The following CTNNA2 variants were observed in gnomAD, a reference collection of about 807,000 sequenced individuals.
CTNNA2 encodes the protein catenin alpha 2.
A neutral mutation model predicts 101.0 loss-of-function variants in CTNNA2; 42 were observed. The observed-to-expected ratio is 0.42, with a 90% CI of 0.32 to 0.54. CTNNA2 has a LOEUF of 0.54. Among genes scored for constraint, CTNNA2 ranks in the 20% least tolerant of loss-of-function variants. The probability of loss-of-function intolerance (pLI) is 0.14; values close to 1 mark genes in which losing one functional copy is unlikely to be tolerated. For synonymous variants in CTNNA2, 450 were observed against 456.4 expected, an observed-to-expected ratio of 0.99 and a Z score of 0.18; for missense variants, 871 against 1,223.1, an observed-to-expected ratio of 0.71 and a Z score of 4.29.
intron 11 of CTNNA2, 107 bp downstream of exon 11, chr2:80,546,170 T>C (rs967785091): frequency 7.3e-7 from 1 of 1,365,018 alleles, no homozygotes; most frequent in African/African-American, 1.5e-5. Context: ...GCGCACTCCT[T>C]AGATCTTTGA....
At chr2:79,860,545 A>ATTTTTTTT in intron 4 of CTNNA2, among the ~76,000 whole-genome samples, 1 of 19,186 alleles carries the variant, frequency 5.2e-5, no homozygotes, top group African/African-American at 2.2e-4. Context: ...GAGTAAGGGA[A>ATTTTTTTT]GTTTTTTTTT....
rs533383601 is a variant in CTNNA2, at chr2:79,259,020, G to A, written c.-405-53689G>A. Among the ~76,000 whole-genome samples, 36 of 152,116 alleles carry A rather than the reference G, an allele frequency of 2.4e-4. No individual in the cohort carries two copies. The South Asian group carries it at 7.5e-3, about 32-fold the overall frequency. ...AAACGCATGACCCTAAGAGCTTATT[G>A]GCCGATTAAGAGTTTCCCAGACAAC... On this transcript the variant is annotated intron_variant, in intron 2 of 21. Coordinates refer to the CTNNA2 transcript ENST00000466387.
At position 80,515,020 on chromosome 2, in the gene CTNNA2, G is replaced by C. The variant is rs7595163; in HGVS notation, c.1291-29962G>C. On this transcript the variant is annotated intron_variant, in intron 9 of 18. Coordinates refer to ENST00000402739, the MANE Select transcript of CTNNA2 (RefSeq NM_001282597.3). ...TCTCTGCCTTCTTCCTCTATGAAGA[G>C]GAGTGTGTCAAGTCCTTTGATTTCT... Among the ~76,000 whole-genome samples, 4 of 152,234 alleles carry C rather than the reference G, an allele frequency of 2.6e-5. No individual in the cohort carries two copies. The South Asian group carries it at 8.3e-4, about 32-fold the overall frequency.
chr2:80,100,774 C>CA (rs772332704), intron 7 of CTNNA2, among the ~76,000 whole-genome samples: 20 of 152,212 alleles, frequency 1.3e-4, no homozygotes, highest in Non-Finnish European at 1.8e-4. Flanking sequence ...AGTGGTTAAT[C>CA]AAAGTTCAGC....
At chr2:79,491,380 T>A (rs1671206105) in intron 4 of CTNNA2, among the ~76,000 whole-genome samples, 1 of 152,146 alleles carries the variant, frequency 6.6e-6, no homozygotes, top group African/African-American at 2.4e-5. Context: ...ATTTGAAGAG[T>A]ATATACCATC....
At chr2:80,379,945 A>G (rs1436378409) in intron 7 of CTNNA2, among the ~76,000 whole-genome samples, 1 of 151,542 alleles carries the variant, frequency 6.6e-6, no homozygotes, top group Non-Finnish European at 1.5e-5. Flanking sequence ...CTATTTAACC[A>G]GCAGCAGCAC....
intron 3 of CTNNA2, among the ~76,000 whole-genome samples, chr2:79,313,539 T>G (rs1454273531): frequency 6.6e-6 from 1 of 152,132 alleles, no homozygotes; most frequent in African/African-American, 2.4e-5. Context: ...GTAGCAGAGC[T>G]GGAGTTCAAA....
chr2:79,213,004 G>A (rs57316581), intron 2 of CTNNA2, among the ~76,000 whole-genome samples: 11,914 of 152,196 alleles, frequency 0.078, 550 homozygotes, highest in East Asian at 0.16. Context: ...CATGGAAGAA[G>A]TTAGGAAATG....
chr2:80,094,403 C>T (rs1212607108), intron 7 of CTNNA2, among the ~76,000 whole-genome samples: 1 of 152,160 alleles, frequency 6.6e-6, no homozygotes, highest in Non-Finnish European at 1.5e-5. Context: ...GTTTTGGTTA[C>T]CGTGGCCTTA....
intron 2 of CTNNA2, among the ~76,000 whole-genome samples, chr2:79,225,553 T>C (rs1674397680): frequency 6.6e-6 from 1 of 152,126 alleles, no homozygotes; most frequent in Admixed American, 6.6e-5. Context: ...ACATTTACAA[T>C]AGGAGGCAAT....
chr2:79,263,638 A>C (rs1409717697), intron 2 of CTNNA2, among the ~76,000 whole-genome samples: 1 of 152,208 alleles, frequency 6.6e-6, no homozygotes, highest in Non-Finnish European at 1.5e-5. Context: ...CTAATGCAGC[A>C]GTATTGAGAG....
chr2:79,314,751 G>C (rs906132799), intron 3 of CTNNA2, among the ~76,000 whole-genome samples: 4 of 152,178 alleles, frequency 2.6e-5, no homozygotes, highest in African/African-American at 9.7e-5. Flanking sequence ...TGCTATGCTA[G>C]AGTAGGATGT....
chr2:79,503,698 T>A (rs928249244), intron 4 of CTNNA2, among the ~76,000 whole-genome samples: 1 of 152,144 alleles, frequency 6.6e-6, no homozygotes, highest in African/African-American at 2.4e-5. Context: ...GAAAGAGAAG[T>A]GAACAGCTAT....
At chr2:80,032,106 A>C (rs1031026876) in intron 7 of CTNNA2, among the ~76,000 whole-genome samples, 1 of 152,226 alleles carries the variant, frequency 6.6e-6, no homozygotes, top group Non-Finnish European at 1.5e-5. Flanking sequence ...TATAGCTTTC[A>C]TAAGAATGTA....
At chr2:80,177,885 T>C (rs1446151590) in intron 7 of CTNNA2, among the ~76,000 whole-genome samples, 1 of 152,164 alleles carries the variant, frequency 6.6e-6, no homozygotes, top group Non-Finnish European at 1.5e-5. Flanking sequence ...CATTTCTCCT[T>C]CCAAGCAAAG....
At chr2:80,568,928 C>T (rs1288759819) in intron 12 of CTNNA2, among the ~76,000 whole-genome samples, 1 of 152,048 alleles carries the variant, frequency 6.6e-6, no homozygotes, top group African/African-American at 2.4e-5. Context: ...GTGTTTGTTT[C>T]TTGATAAAGA....
At chr2:79,861,003 T>G (rs1258473452) in intron 4 of CTNNA2, among the ~76,000 whole-genome samples, 2 of 152,236 alleles carry the variant, frequency 1.3e-5, no homozygotes, top group Non-Finnish European at 2.9e-5. Flanking sequence ...CATATTTTGA[T>G]GAAGCAAGTT....
At chr2:79,393,148 G>T (rs1678193025) in intron 4 of CTNNA2, among the ~76,000 whole-genome samples, 1 of 152,270 alleles carries the variant, frequency 6.6e-6, no homozygotes, top group South Asian at 2.1e-4. Flanking sequence ...GTAGAAAGGT[G>T]GTACTGGTCA....
chr2:79,419,025 C>A (rs1312953690), intron 4 of CTNNA2, among the ~76,000 whole-genome samples: 1 of 151,614 alleles, frequency 6.6e-6, no homozygotes, highest in Non-Finnish European at 1.5e-5. Context: ...GAAGCTCTCA[C>A]TCCTTTTGGA....
Sources: allele counts gnomAD v4.1 joint callset (sites outside exome capture counted in the v4.1 genomes callset), GRCh38; gene constraint gnomAD v4.1.1; transcripts MANE v1.5; gene names NCBI Gene and HGNC (gene_info 2026-07-23, HGNC 2026-07-21).